The following PIP4K2A variants were observed in gnomAD, a reference collection of about 807,000 sequenced individuals.
PIP4K2A encodes the protein phosphatidylinositol-5-phosphate 4-kinase type 2 alpha.
PIP4K2A carries 14 observed loss-of-function variants against 42.9 expected under a neutral mutation model. The ratio of observed to expected loss-of-function variants is 0.33; its 90% CI spans 0.22 to 0.51. The LOEUF is 0.51. Among genes scored for constraint, PIP4K2A ranks in the 20% least tolerant of loss-of-function variants. The pLI is 0.97. For missense variants in PIP4K2A, 434 were observed against 519.8 expected (o/e 0.83, Z 1.61); for synonymous variants, 192 against 192.2 (o/e 1.00, Z 0.01).
chr10:22,685,953 T>C (rs1839756047), intron 1 of PIP4K2A, among the ~76,000 whole-genome samples: 2 of 152,208 alleles, frequency 1.3e-5, no homozygotes, highest in Non-Finnish European at 2.9e-5. Flanking sequence ...ACTTTTTATA[T>C]ATGAATGTGA....
At chr10:22,641,618 TA>T (rs869256762) in intron 1 of PIP4K2A, among the ~76,000 whole-genome samples, 35 of 149,366 alleles carry the variant, frequency 2.3e-4, no homozygotes, top group Admixed American at 2.0e-3. Context: ...GGTTTTTTTT[TA>T]AAAAAAAAAT....
At chr10:22,658,064 C>A (rs1839136753) in intron 1 of PIP4K2A, among the ~76,000 whole-genome samples, 1 of 152,088 alleles carries the variant, frequency 6.6e-6, no homozygotes, top group South Asian at 2.1e-4. Flanking sequence ...TCTAAGCAAT[C>A]AGCTATGAAT....
chr10:22,537,556 A>G (rs990096531), intron 9 of PIP4K2A, among the ~76,000 whole-genome samples: 2 of 152,180 alleles, frequency 1.3e-5, no homozygotes, highest in Non-Finnish European at 1.5e-5. Flanking sequence ...AACTCACAAA[A>G]AAATCAAACA....
intron 4 of PIP4K2A, among the ~76,000 whole-genome samples, chr10:22,582,513 T>C (rs367884736): frequency 1.1e-3 from 160 of 152,344 alleles, no homozygotes; most frequent in Non-Finnish European, 2.1e-3. Flanking sequence ...GTTATTATCA[T>C]GTTTCACTCA....
intron 6 of PIP4K2A, among the ~76,000 whole-genome samples, chr10:22,552,261 A>G (rs370560515): frequency 6.6e-6 from 1 of 152,316 alleles, no homozygotes; most frequent in East Asian, 1.9e-4. Context: ...TAGGTAGAAA[A>G]TAAAGCAGGA....
Position 22,586,553 on chromosome 10 carries a change from C to T in PIP4K2A, c.492+5076G>A, listed in dbSNP as rs1256980191. ...GCACTTCTTTTTCTTTTTTTCGAAA[C>T]GGAGTCTCGTTCTGTTACCCAGGCT... On this transcript the variant is annotated intron_variant, in intron 4 of 9. Transcript: ENST00000376573. 9.9e-5 allele frequency among the ~76,000 whole-genome samples: 15 copies of T among 152,046 alleles called. No individual in the cohort carries two copies. In the South Asian group the frequency reaches 1.7e-3, roughly 17 times the overall value.
rs947663742 is a variant in PIP4K2A, at chr10:22,645,561, A to AAAAAG, written c.145-35849_145-35845dup. 8.6e-5 allele frequency among the ~76,000 whole-genome samples: 13 copies of AAAAAG among 150,846 alleles called. No individual in the cohort carries two copies. In the East Asian group the frequency reaches 9.7e-4, roughly 11 times the overall value. ...GATTCTATTTCTTTAAAAAAAAAAAAAAAAGAAAAGAAAAGAAAAGAAAGA... is the reference window on the plus strand; with the variant it reads ...GATTCTATTTCTTTAAAAAAAAAAAAAAAAGAAAAGAAAAGAAAAGAAAAGAAAGA... On this transcript the variant is annotated intron_variant, in intron 1 of 9. Transcript: ENST00000376573.
chr10:22,562,649 A>G (rs1258569336), intron 6 of PIP4K2A, among the ~76,000 whole-genome samples: 1 of 152,196 alleles, frequency 6.6e-6, no homozygotes, highest in East Asian at 1.9e-4. Flanking sequence ...TGTATCAGAG[A>G]GAGAAGGCAT....
chr10:22,597,387 C>A (rs893381184), intron 3 of PIP4K2A, among the ~76,000 whole-genome samples: 1 of 152,190 alleles, frequency 6.6e-6, no homozygotes, highest in Admixed American at 6.5e-5. Context: ...GAATTCTTCA[C>A]ATTTCTGACC....
intron 1 of PIP4K2A, among the ~76,000 whole-genome samples, chr10:22,664,060 T>TATACAC (rs570101374): frequency 2.4e-5 from 2 of 83,100 alleles, no homozygotes; most frequent in African/African-American, 9.7e-5. Context: ...TATGTATATA[T>TATACAC]ACATATATAT....
chr10:22,584,195 C>T (rs531108712), intron 4 of PIP4K2A, among the ~76,000 whole-genome samples: 4 of 151,774 alleles, frequency 2.6e-5, no homozygotes, highest in African/African-American at 7.3e-5. Flanking sequence ...ACGTACAAAA[C>T]GTGTAAAGAA....
At chr10:22,697,589 G>A (rs772052077) in intron 1 of PIP4K2A, among the ~76,000 whole-genome samples, 9 of 152,086 alleles carry the variant, frequency 5.9e-5, no homozygotes, top group Non-Finnish European at 1.0e-4. Flanking sequence ...GCGGGGTATG[G>A]TGGCACACAA....
intron 6 of PIP4K2A, among the ~76,000 whole-genome samples, chr10:22,557,889 T>G (rs1229187831): frequency 6.6e-6 from 1 of 152,158 alleles, no homozygotes; most frequent in Non-Finnish European, 1.5e-5. Context: ...GGATGGAAAC[T>G]TTACTGGGAA....
At chr10:22,627,294 C>A (rs1838459306) in intron 1 of PIP4K2A, among the ~76,000 whole-genome samples, 1 of 152,074 alleles carries the variant, frequency 6.6e-6, no homozygotes, top group Admixed American at 6.6e-5. Flanking sequence ...TTGAGGCTAA[C>A]AGTTTTCATC....
chr10:22,580,549 T>A (rs774772348), intron 4 of PIP4K2A, among the ~76,000 whole-genome samples: 1 of 149,834 alleles, frequency 6.7e-6, no homozygotes, highest in Non-Finnish European at 1.5e-5. Context: ...CACAATGCCA[T>A]GCTTTTAACA....
intron 1 of PIP4K2A, among the ~76,000 whole-genome samples, chr10:22,664,681 C>T (rs1013225977): frequency 1.3e-5 from 2 of 151,908 alleles, no homozygotes; most frequent in East Asian, 3.9e-4. Context: ...TTTTTTAATG[C>T]TAATAAATAA....
At chr10:22,664,160 T>TAC (rs1482242302) in intron 1 of PIP4K2A, among the ~76,000 whole-genome samples, 63 of 67,240 alleles carry the variant, frequency 9.4e-4, no homozygotes, top group African/African-American at 2.4e-3. Context: ...TACACATATA[T>TAC]ATATATACAT....
chr10:22,591,879 T>A, intron 3 of PIP4K2A, 98 bp from the exon 4 acceptor site: 1 of 1,082,468 alleles, frequency 9.2e-7, no homozygotes, highest in Non-Finnish European at 1.3e-6. Context: ...CATTGCAAGT[T>A]TTCAAAAACA....
chr10:22,579,628 G>A (rs1837211127), intron 4 of PIP4K2A, among the ~76,000 whole-genome samples: 1 of 152,134 alleles, frequency 6.6e-6, no homozygotes, highest in African/African-American at 2.4e-5. Flanking sequence ...CATTCTGGCC[G>A]GGCATGGTGG....
Sources: gnomAD v4.1 joint callset for allele counts (sites outside exome capture counted in the v4.1 genomes callset) on GRCh38, gnomAD v4.1.1 for gene constraint, MANE v1.5 for transcripts, NCBI Gene and HGNC (gene_info 2026-07-23, HGNC 2026-07-21) for gene names.